The following UBR3 variants were observed in gnomAD, a reference collection of about 807,000 sequenced individuals.
UBR3 encodes E3 ubiquitin-protein ligase UBR3.
UBR3 carries 85 observed loss-of-function variants against 243.2 expected under a neutral mutation model. The ratio of observed to expected loss-of-function variants is 0.35; its 90% CI spans 0.29 to 0.42. UBR3 has a LOEUF of 0.42. Ranked by LOEUF, UBR3 falls within the 10% of genes least tolerant of loss-of-function variation. The pLI is 1.00. For missense variants in UBR3, 1,686 were observed against 2,300.8 expected (o/e 0.73, Z 5.47); for synonymous variants, 748 against 799.8 (o/e 0.94, Z 1.09).
chr2:169,930,034 A>G (rs532587619), intron 18 of UBR3, among the ~76,000 whole-genome samples: 2 of 152,306 alleles, frequency 1.3e-5, no homozygotes, highest in East Asian at 1.9e-4. Context: ...TTTTTAGTGT[A>G]GAGGATATTT....
At chr2:170,060,649 A>T (rs1188604635) in intron 33 of UBR3, among the ~76,000 whole-genome samples, 1 of 151,962 alleles carries the variant, frequency 6.6e-6, no homozygotes, top group Admixed American at 6.6e-5. Context: ...AATGTTTTTT[A>T]AGTTGGTATT....
chr2:169,894,451 G>A (rs1232914477), intron 6 of UBR3, among the ~76,000 whole-genome samples: 1 of 149,504 alleles, frequency 6.7e-6, no homozygotes, highest in African/African-American at 2.5e-5. Flanking sequence ...AGATATTTTT[G>A]CCTTTCTGTA....
At position 169,896,527 on chromosome 2, in the gene UBR3, T is replaced by C. The variant is rs763343006; in HGVS notation, c.1257T>C (p.Phe419=). The change falls in exon 8 of 39, where the codon TTT becomes TTC. Residue 419 remains phenylalanine (F), a synonymous_variant. Transcript: ENST00000272793. ...TACAGGTTGCTTTTACAAAAACTTT[T>C]GTTCAGCATTATGCTTTCATTATGA... is the stretch of plus-strand genomic sequence containing the variant. ...QEYKVAFTKT[F]VQHYAFIMKT... 14 of 1,528,122 alleles carry C rather than the reference T, an allele frequency of 9.2e-6. No homozygotes were observed. The highest frequency in any genetic ancestry group is 2.5e-5 in the East Asian group (1 of 40,434). The allele number at this position is 1,528,122 out of a possible 1,614,324, so 94.7% of individuals were successfully genotyped here.
intron 1 of UBR3, among the ~76,000 whole-genome samples, chr2:169,861,496 A>T (rs2083088531): frequency 6.6e-6 from 1 of 151,372 alleles, no homozygotes; most frequent in Admixed American, 6.6e-5. Context: ...AATCCTGGCT[A>T]CTCGGGAGCC....
intron 35 of UBR3, among the ~76,000 whole-genome samples, chr2:170,070,722 A>T (rs192651125): frequency 6.6e-6 from 1 of 152,292 alleles, no homozygotes; most frequent in East Asian, 1.9e-4. Context: ...ACATAATTCA[A>T]ATTACAATGG....
chr2:169,842,180 C>T (rs1254535248), intron 1 of UBR3, among the ~76,000 whole-genome samples: 1 of 152,154 alleles, frequency 6.6e-6, no homozygotes, highest in Admixed American at 6.5e-5. Flanking sequence ...CACCAATCAG[C>T]ACCCTGTGTT....
intron 23 of UBR3, among the ~76,000 whole-genome samples, chr2:169,952,343 G>A (rs377734214): frequency 5.9e-5 from 9 of 152,072 alleles, no homozygotes; most frequent in African/African-American, 1.9e-4. Flanking sequence ...AATAAGATTG[G>A]CCATCCTATT....
intron 5 of UBR3, among the ~76,000 whole-genome samples, chr2:169,890,072 C>T (rs1195403200): frequency 2.0e-5 from 3 of 152,086 alleles, no homozygotes; most frequent in Non-Finnish European, 2.9e-5. Flanking sequence ...TGTAACATCC[C>T]TGGTTTAGGA....
intron 1 of UBR3, among the ~76,000 whole-genome samples, chr2:169,857,068 T>TG (rs759330481): frequency 0.35 from 29,550 of 84,284 alleles, 5,843 homozygotes; most frequent in Non-Finnish European, 0.42. Context: ...TATTATGTTT[T>TG]TTTTTTTTTT....
chr2:169,996,110 A>G (rs1027856413), intron 26 of UBR3, among the ~76,000 whole-genome samples: 1 of 152,244 alleles, frequency 6.6e-6, no homozygotes, highest in Non-Finnish European at 1.5e-5. Flanking sequence ...GACAGAATAC[A>G]TAATCAGAAT....
intron 32 of UBR3, among the ~76,000 whole-genome samples, chr2:170,051,037 A>G (rs1253630873): frequency 6.6e-6 from 1 of 152,222 alleles, no homozygotes; most frequent in Non-Finnish European, 1.5e-5. Flanking sequence ...ACTTAGTACA[A>G]TATAAATGTT....
At chr2:170,076,945 T>C (rs751549175) in intron 36 of UBR3, among the ~76,000 whole-genome samples, 3 of 152,342 alleles carry the variant, frequency 2.0e-5, no homozygotes, top group Admixed American at 2.0e-4. Flanking sequence ...TTGATAGTCA[T>C]GGTCAATCCC....
chr2:169,964,862 A>G (rs2087735574), intron 24 of UBR3: 1 of 456,782 alleles, frequency 2.2e-6, no homozygotes, highest in Non-Finnish European at 4.4e-6. Flanking sequence ...TTGAGGGATC[A>G]GGCAAATATG....
chr2:169,933,872 T>G (rs2086228014), intron 19 of UBR3, among the ~76,000 whole-genome samples: 1 of 128,434 alleles, frequency 7.8e-6, no homozygotes, highest in African/African-American at 2.5e-5. Context: ...AAACGATCTT[T>G]AAATCAATAA....
intron 25 of UBR3, among the ~76,000 whole-genome samples, chr2:169,994,048 T>C (rs1313451251): frequency 1.3e-5 from 2 of 152,118 alleles, no homozygotes; most frequent in African/African-American, 2.4e-5. Flanking sequence ...CATGTAGGCT[T>C]TTTCAGTGGA....
intron 1 of UBR3, among the ~76,000 whole-genome samples, chr2:169,859,080 G>GTTTTTTTT (rs2082990493): frequency 7.6e-6 from 1 of 132,236 alleles, no homozygotes; most frequent in Non-Finnish European, 1.6e-5. Context: ...CCTCACCATG[G>GTTTTTTTT]CTTTTTTTTT....
intron 31 of UBR3, among the ~76,000 whole-genome samples, chr2:170,037,686 C>T (rs1431241397): frequency 6.6e-6 from 1 of 152,106 alleles, no homozygotes; most frequent in African/African-American, 2.4e-5. Flanking sequence ...CTGCATCTGG[C>T]CTAACTTGTA....
chr2:169,991,775 G>C (rs2126351), intron 25 of UBR3, among the ~76,000 whole-genome samples: 66,620 of 151,724 alleles, frequency 0.44, 15,756 homozygotes, highest in Non-Finnish European at 0.54. Context: ...GTAGAGATGG[G>C]GTTTCACTGT....
At chr2:170,061,255 A>T in intron 34 of UBR3, 63 bp from the exon 35 acceptor site, 1 of 1,583,880 alleles carries the variant, frequency 6.3e-7, no homozygotes, top group Non-Finnish European at 8.6e-7. Flanking sequence ...GCCATTATGA[A>T]TGTAATTTTT....
Sources: allele counts gnomAD v4.1 joint callset (sites outside exome capture counted in the v4.1 genomes callset), GRCh38; gene constraint gnomAD v4.1.1; transcripts MANE v1.5; gene names NCBI Gene and HGNC (gene_info 2026-07-23, HGNC 2026-07-21).